Variants in HS3ST3A1 observed in about 807,000 individuals in gnomAD.
The protein encoded by HS3ST3A1 is heparan sulfate-glucosamine 3-sulfotransferase 3A1, also known as heparan sulfate glucosamine 3-O-sulfotransferase 3A1.
In HS3ST3A1, 19 loss-of-function variants were observed where a neutral mutation model predicts 25.7. The ratio of observed to expected loss-of-function variants is 0.74; its 90% CI spans 0.52 to 1.08. The LOEUF is 1.08. Ranked by LOEUF, HS3ST3A1 falls within the 50% of genes least tolerant of loss-of-function variation. HS3ST3A1 has a pLI of 0.00. For missense variants in HS3ST3A1, 459 were observed against 594.3 expected, an observed-to-expected ratio of 0.77 and a Z score of 2.37; for synonymous variants, 226 against 278.6, an observed-to-expected ratio of 0.81 and a Z score of 1.88.
intron 1 of HS3ST3A1, among the ~76,000 whole-genome samples, chr17:13,593,367 T>TG (rs1335814027): frequency 1.3e-5 from 2 of 152,204 alleles, no homozygotes; most frequent in African/African-American, 2.4e-5. Context: ...CAGGAAGCTT[T>TG]GGGGAACCTT....
At chr17:13,574,291 G>A (rs958658789) in intron 1 of HS3ST3A1, among the ~76,000 whole-genome samples, 6 of 151,730 alleles carry the variant, frequency 4.0e-5, no homozygotes, top group East Asian at 4.0e-4. Flanking sequence ...GTGTCACCAC[G>A]CCTGGCTAAT....
intron 1 of HS3ST3A1, among the ~76,000 whole-genome samples, chr17:13,551,035 CCAGCCTGGGCGA>C (rs1907225711): frequency 6.8e-6 from 1 of 147,426 alleles, no homozygotes; most frequent in East Asian, 2.0e-4. Flanking sequence ...TCACTGCACT[CCAGCCTGGGCGA>C]CAGAGCGAGA....
intron 1 of HS3ST3A1, among the ~76,000 whole-genome samples, chr17:13,551,359 A>C (rs942098965): frequency 2.4e-5 from 1 of 41,632 alleles, no homozygotes; most frequent in African/African-American, 7.3e-5. Flanking sequence ...ATAAATAAAT[A>C]AATAAATAAA....
At chr17:13,519,402 C>T (rs1456361135) in intron 1 of HS3ST3A1, among the ~76,000 whole-genome samples, 4 of 152,142 alleles carry the variant, frequency 2.6e-5, no homozygotes, top group Non-Finnish European at 5.9e-5. Context: ...ATTTATAAAG[C>T]TGCAAACGGC....
intron 1 of HS3ST3A1, among the ~76,000 whole-genome samples, chr17:13,579,254 C>T (rs919365846): frequency 1.3e-5 from 2 of 152,130 alleles, no homozygotes; most frequent in African/African-American, 4.8e-5. Context: ...TAGCCTTTGA[C>T]CTTATGATTC....
chr17:13,575,353 A>G (rs1057283364), intron 1 of HS3ST3A1, among the ~76,000 whole-genome samples: 2 of 152,214 alleles, frequency 1.3e-5, no homozygotes, highest in African/African-American at 4.8e-5. Flanking sequence ...TGATTTCATA[A>G]TTTGCCAAAT....
rs939559948 is a variant in HS3ST3A1, at chr17:13,600,758, C to T, written c.372G>A (p.Pro124=). 1 of 1,513,858 alleles carries T rather than the reference C, an allele frequency of 6.6e-7. No individual in the cohort carries two copies. The highest frequency in any genetic ancestry group is 8.8e-7 in the Non-Finnish European group (1 of 1,138,110). 93.8% of individuals were successfully genotyped at this position (1,513,858 alleles called of 1,614,324 possible). ...CGGTGCTTCCGGCCCCGGAGCCGCC[C>T]GGACCCCCTGACAGGCCAGGGGACT... ...EEESPGLSGG[P]GGSGAGSTVA... The change falls in exon 1 of 2, where the codon CCG becomes CCA. Residue 124 remains proline (P), a synonymous_variant. Transcript: ENST00000284110.
chr17:13,516,811 C>T (rs1428367647), intron 1 of HS3ST3A1, among the ~76,000 whole-genome samples: 1 of 152,170 alleles, frequency 6.6e-6, no homozygotes, highest in Non-Finnish European at 1.5e-5. Context: ...CTCAGCTTCC[C>T]AAGTAGCTGG....
At position 13,494,831 on chromosome 17, in the gene HS3ST3A1, G is replaced by T. The variant is rs550516403; in HGVS notation, c.*1366C>A. On this transcript the variant is annotated 3_prime_UTR_variant, in exon 2 of 2. Coordinates refer to ENST00000284110, the MANE Select transcript of HS3ST3A1 (RefSeq NM_006042.3). ...AAATGGGGGATGGGCAGAAACAGAC[G>T]AGAGAAGAGGAAAAGCCACCATTTT... Among the ~76,000 whole-genome samples the T allele has an allele frequency of 6.6e-6, 1 of 152,124 alleles. No homozygotes were observed. The highest frequency in any genetic ancestry group is 2.4e-5 in the African/African-American group (1 of 41,436).
At chr17:13,503,276 C>T (rs1341505517) in intron 1 of HS3ST3A1, among the ~76,000 whole-genome samples, 1 of 151,584 alleles carries the variant, frequency 6.6e-6, no homozygotes, top group East Asian at 1.9e-4. Context: ...GGAATTAGCA[C>T]TTTTGAAGGA....
At chr17:13,595,742 C>T (rs927569367) in intron 1 of HS3ST3A1, among the ~76,000 whole-genome samples, 1 of 152,138 alleles carries the variant, frequency 6.6e-6, no homozygotes, top group Non-Finnish European at 1.5e-5. Flanking sequence ...CCTAAGGAAA[C>T]GAGCTAAGAA....
At chr17:13,522,951 G>A (rs1158333023) in intron 1 of HS3ST3A1, among the ~76,000 whole-genome samples, 1 of 151,804 alleles carries the variant, frequency 6.6e-6, no homozygotes, top group Admixed American at 6.6e-5. Flanking sequence ...ACACAGAAGT[G>A]GAGCTTTATC....
intron 1 of HS3ST3A1, among the ~76,000 whole-genome samples, chr17:13,529,533 T>C (rs1906537334): frequency 6.6e-6 from 1 of 152,194 alleles, no homozygotes; most frequent in South Asian, 2.1e-4. Context: ...TCCACTGTCA[T>C]TGTAATATGG....
At chr17:13,536,612 A>G (rs926931653) in intron 1 of HS3ST3A1, among the ~76,000 whole-genome samples, 1 of 152,204 alleles carries the variant, frequency 6.6e-6, no homozygotes, top group Non-Finnish European at 1.5e-5. Context: ...GCCCACGTTT[A>G]ACACCCCTAG....
At chr17:13,547,600 C>A (rs1406246295) in intron 1 of HS3ST3A1, among the ~76,000 whole-genome samples, 1 of 152,218 alleles carries the variant, frequency 6.6e-6, no homozygotes, top group Non-Finnish European at 1.5e-5. Context: ...TTCCTCCACA[C>A]CTTGCCCTAA....
intron 1 of HS3ST3A1, among the ~76,000 whole-genome samples, chr17:13,553,959 G>A (rs995451588): frequency 1.3e-5 from 2 of 151,888 alleles, no homozygotes; most frequent in Admixed American, 6.6e-5. Context: ...AGCAATAGAC[G>A]ATCTAATAAT....
At chr17:13,508,660 G>C (rs1262739863) in intron 1 of HS3ST3A1, among the ~76,000 whole-genome samples, 2 of 152,196 alleles carry the variant, frequency 1.3e-5, no homozygotes, top group Non-Finnish European at 2.9e-5. Flanking sequence ...TAACACGGTA[G>C]GCATTGTCCC....
chr17:13,541,640 G>A (rs1043110190), intron 1 of HS3ST3A1, among the ~76,000 whole-genome samples: 2 of 152,168 alleles, frequency 1.3e-5, no homozygotes, highest in African/African-American at 2.4e-5. Context: ...GCTCCTTAAG[G>A]AGTCTCTTTC....
At chr17:13,517,743 C>T (rs1906101842) in intron 1 of HS3ST3A1, among the ~76,000 whole-genome samples, 1 of 152,014 alleles carries the variant, frequency 6.6e-6, no homozygotes, top group South Asian at 2.1e-4. Flanking sequence ...CCTCCGCCTC[C>T]CAGGTTCAAG....
Sources: gnomAD v4.1 joint callset for allele counts (sites outside exome capture counted in the v4.1 genomes callset) on GRCh38, gnomAD v4.1.1 for gene constraint, MANE v1.5 for transcripts, NCBI Gene and HGNC (gene_info 2026-07-23, HGNC 2026-07-21) for gene names.